The following TUSC3 variants were observed in gnomAD, a reference collection of about 807,000 sequenced individuals.
TUSC3 encodes tumor suppressor candidate 3, also known as dolichyl-diphosphooligosaccharide--protein glycosyltransferase subunit TUSC3.
In TUSC3, 45 loss-of-function variants were observed where a neutral mutation model predicts 44.8. The observed-to-expected ratio is 1.00, with a 90% CI of 0.79 to 1.29. TUSC3 has a LOEUF of 1.29. Among genes scored for constraint, TUSC3 ranks in the 50% most tolerant of loss-of-function variants. The pLI is 0.00. For missense variants in TUSC3, 519 were observed against 437.9 expected, an observed-to-expected ratio of 1.19 and a Z score of -1.65; for synonymous variants, 212 against 152.9, an observed-to-expected ratio of 1.39 and a Z score of -2.85.
chr8:15,761,914 GTATT>G (rs1812181982), intron 10 of TUSC3, among the ~76,000 whole-genome samples: 1 of 151,944 alleles, frequency 6.6e-6, no homozygotes, highest in African/African-American at 2.4e-5. Context: ...AGAAGCAAAA[GTATT>G]TATTAGACAG....
At chr8:15,650,974 G>T in intron 3 of TUSC3, 160 bp downstream of exon 3, 1 of 647,504 alleles carries the variant, frequency 1.5e-6, no homozygotes, top group Non-Finnish European at 2.8e-6. Context: ...GGAGGACAGA[G>T]CAAGACTTTT....
At chr8:15,638,411 G>C (rs997150611) in intron 2 of TUSC3, among the ~76,000 whole-genome samples, 6 of 151,826 alleles carry the variant, frequency 4.0e-5, no homozygotes, top group African/African-American at 1.5e-4. Flanking sequence ...TATCCTACAG[G>C]AACTCAGTAA....
At chr8:15,705,255 TA>T (rs970171517) in intron 6 of TUSC3, among the ~76,000 whole-genome samples, 5 of 152,028 alleles carry the variant, frequency 3.3e-5, no homozygotes, top group South Asian at 2.1e-4. Context: ...CTTGGCTTCT[TA>T]TGATGAGTGG....
chr8:15,846,688 G>A, the TUSC3 span, among the ~76,000 whole-genome samples: 3 of 152,012 alleles, frequency 2.0e-5, no homozygotes, highest in Admixed American at 6.6e-5. Context: ...ATGGACACAG[G>A]GAGGGGAACA....
chr8:15,721,362 G>GT lies in TUSC3; in HGVS notation c.799-9296dup, dbSNP rs960508455. On this transcript the variant is annotated intron_variant, in intron 6 of 10. Coordinates refer to ENST00000503731, the MANE Select transcript of TUSC3 (RefSeq NM_006765.4). ...ATTATGTAAATTTTAAGCCATAAAA[G>GT]TTTTTTTTGTTTTGCATTTTGGATT... Among the ~76,000 whole-genome samples, 309 of 150,538 alleles carry GT rather than the reference G, an allele frequency of 2.1e-3. 2 individuals carry two copies. The highest frequency in any genetic ancestry group is 7.2e-3 in the African/African-American group (288 of 40,162).
At chr8:15,556,835 A>G (rs1356523829) in intron 1 of TUSC3, among the ~76,000 whole-genome samples, 1 of 123,980 alleles carries the variant, frequency 8.1e-6, no homozygotes, top group Non-Finnish European at 1.7e-5. Flanking sequence ...TCCTTTGCCC[A>G]CTTTTTGATG....
intron 6 of TUSC3, among the ~76,000 whole-genome samples, chr8:15,723,058 TAAAC>T (rs1456331091): frequency 1.3e-5 from 2 of 152,136 alleles, no homozygotes; most frequent in African/African-American, 4.8e-5. Flanking sequence ...ATCTGTTTTT[TAAAC>T]AAATATCTCT....
the TUSC3 span, among the ~76,000 whole-genome samples, chr8:15,799,176 C>T: frequency 4.6e-5 from 7 of 152,146 alleles, no homozygotes; most frequent in South Asian, 2.1e-4. Flanking sequence ...TAAGTGGATC[C>T]ACAATTAGCC....
At position 15,505,499 on chromosome 8, in the gene TUSC3, G is replaced by A. The variant is rs185763651; in HGVS notation, n.189+22016G>A. Among the ~76,000 whole-genome samples the A allele has an allele frequency of 5.3e-4, 81 of 152,238 alleles. 2 individuals are homozygous for A. Among genetic ancestry groups the A allele is most frequent in the Admixed American group, 4.6e-3 (71 of 15,292 alleles). ...GTAAAATCTCCAGCAGGGAACATCT[G>A]TACGTTTTTTATTGTGTTTTCTGTT... On this transcript the variant is annotated intron_variant and non_coding_transcript_variant, in intron 2 of 5. Transcript: ENST00000503191.
chr8:15,848,128 C>T, the TUSC3 span, among the ~76,000 whole-genome samples: 1 of 152,072 alleles, frequency 6.6e-6, no homozygotes, highest in Non-Finnish European at 1.5e-5. Flanking sequence ...CCCCTCCTTC[C>T]CCCCGAGTGA....
intron 1 of TUSC3, among the ~76,000 whole-genome samples, chr8:15,482,574 G>T (rs934829316): frequency 6.6e-6 from 1 of 152,160 alleles, no homozygotes; most frequent in Admixed American, 6.5e-5. Context: ...TAAAAGCTCT[G>T]ATGAAGATGT....
At chr8:15,610,507 T>C (rs1396069927) in intron 1 of TUSC3, among the ~76,000 whole-genome samples, 1 of 151,848 alleles carries the variant, frequency 6.6e-6, no homozygotes, top group Non-Finnish European at 1.5e-5. Flanking sequence ...TTTTAAATCT[T>C]TGGAATATTA....
the TUSC3 span, among the ~76,000 whole-genome samples, chr8:15,834,414 C>T: frequency 3.9e-5 from 6 of 152,064 alleles, no homozygotes; most frequent in African/African-American, 1.4e-4. Context: ...TAGCGGATAC[C>T]TTTGTTCTCT....
At chr8:15,736,871 T>C (rs1227723712) in intron 7 of TUSC3, among the ~76,000 whole-genome samples, 1 of 152,188 alleles carries the variant, frequency 6.6e-6, no homozygotes, top group Non-Finnish European at 1.5e-5. Context: ...TATGAGTGGA[T>C]ATAGAACACG....
At chr8:15,626,163 C>G (rs118171017) in intron 2 of TUSC3, among the ~76,000 whole-genome samples, 40 of 152,264 alleles carry the variant, frequency 2.6e-4, no homozygotes, top group African/African-American at 8.9e-4. Context: ...CCCTCCTGAG[C>G]CTAGGCAGGA....
At chr8:15,602,931 T>G (rs1331323748) in intron 1 of TUSC3, among the ~76,000 whole-genome samples, 2 of 151,644 alleles carry the variant, frequency 1.3e-5, no homozygotes, top group African/African-American at 4.8e-5. Context: ...AATAACACTT[T>G]AATGTTAGTA....
intron 1 of TUSC3, among the ~76,000 whole-genome samples, chr8:15,573,336 TA>T (rs1802964679): frequency 6.6e-6 from 1 of 150,530 alleles, no homozygotes; most frequent in East Asian, 2.0e-4. Context: ...ACATCCAGGG[TA>T]ATTACCAGTT....
chr8:15,650,088 T>C (rs577673584), intron 2 of TUSC3, among the ~76,000 whole-genome samples: 24 of 152,324 alleles, frequency 1.6e-4, no homozygotes, highest in African/African-American at 5.8e-4. Flanking sequence ...AATATCATCT[T>C]AGAGAAGGAA....
chr8:15,680,903 A>G (rs1808399883), intron 6 of TUSC3, among the ~76,000 whole-genome samples: 1 of 152,108 alleles, frequency 6.6e-6, no homozygotes, highest in African/African-American at 2.4e-5. Flanking sequence ...TGTATGTTGA[A>G]CCAACTTGGC....
Sources: allele counts gnomAD v4.1 joint callset (sites outside exome capture counted in the v4.1 genomes callset), GRCh38; gene constraint gnomAD v4.1.1; transcripts MANE v1.5; gene names NCBI Gene and HGNC (gene_info 2026-07-23, HGNC 2026-07-21).